NEGR1: variants seen among roughly 807,000 people sequenced by gnomAD.
NEGR1 encodes the protein neuronal growth regulator 1, also known as IgLON family member 4.
NEGR1 carries 10 observed loss-of-function variants against 40.9 expected under a neutral mutation model. The observed-to-expected ratio is 0.24, with a 90% CI of 0.15 to 0.42. The LOEUF is 0.42. NEGR1 is among the 10% of genes least tolerant of loss of function. The pLI, the probability that NEGR1 is intolerant of heterozygous loss-of-function variation, is 1.00. For synonymous variants in NEGR1, 185 were observed against 166.8 expected, an observed-to-expected ratio of 1.11 and a Z score of -0.84; for missense variants, 352 against 438.9, an observed-to-expected ratio of 0.80 and a Z score of 1.77.
chr1:72,197,567 T>C (rs1204768687), intron 1 of NEGR1, among the ~76,000 whole-genome samples: 2 of 152,018 alleles, frequency 1.3e-5, no homozygotes, highest in African/African-American at 2.4e-5. Context: ...ATTAACAACA[T>C]AGAATTATAA....
intron 2 of NEGR1, among the ~76,000 whole-genome samples, chr1:71,896,311 A>C (rs1660972482): frequency 6.6e-6 from 1 of 152,030 alleles, no homozygotes; most frequent in Non-Finnish European, 1.5e-5. Context: ...TGTGTTTAAC[A>C]TATTTTTATG....
chr1:71,508,144 G>C (rs903395879), intron 6 of NEGR1, among the ~76,000 whole-genome samples: 2 of 152,110 alleles, frequency 1.3e-5, no homozygotes, highest in Admixed American at 6.5e-5. Flanking sequence ...CACCTTTTAA[G>C]TTTGTAGTTC....
At chr1:72,127,490 A>AAAT (rs1650073406) in intron 1 of NEGR1, among the ~76,000 whole-genome samples, 1 of 147,376 alleles carries the variant, frequency 6.8e-6, no homozygotes, top group Non-Finnish European at 1.5e-5. Flanking sequence ...AAAAAAAAAA[A>AAAT]GGGAGAATTG....
intron 6 of NEGR1, among the ~76,000 whole-genome samples, chr1:71,592,376 T>G (rs1328492494): frequency 6.6e-6 from 1 of 152,168 alleles, no homozygotes; most frequent in East Asian, 1.9e-4. Context: ...TACTGTTTCA[T>G]TTTATGTATG....
At chr1:71,526,501 T>C (rs1022821730) in intron 6 of NEGR1, among the ~76,000 whole-genome samples, 13 of 151,454 alleles carry the variant, frequency 8.6e-5, no homozygotes, top group African/African-American at 3.1e-4. Flanking sequence ...GCATGACATT[T>C]ATGGTATTTT....
At chr1:71,912,218 A>C (rs369022949) in intron 2 of NEGR1, among the ~76,000 whole-genome samples, 43 of 152,284 alleles carry the variant, frequency 2.8e-4, no homozygotes, top group African/African-American at 1.0e-3. Flanking sequence ...GAGAGAATGC[A>C]CTTTCTTGTC....
At chr1:71,802,607 G>A (rs1328331869) in intron 2 of NEGR1, among the ~76,000 whole-genome samples, 1 of 152,142 alleles carries the variant, frequency 6.6e-6, no homozygotes, top group Non-Finnish European at 1.5e-5. Context: ...AATGCTTAAG[G>A]CTATGGAAGG....
chr1:71,994,616 A>T (rs2100365899), intron 1 of NEGR1, among the ~76,000 whole-genome samples: 1 of 152,142 alleles, frequency 6.6e-6, no homozygotes, highest in Middle Eastern at 3.4e-3. Flanking sequence ...CCCACCATGA[A>T]GTAGAACAGT....
intron 1 of NEGR1, among the ~76,000 whole-genome samples, chr1:72,030,952 C>T (rs767926483): frequency 6.6e-6 from 1 of 152,106 alleles, no homozygotes; most frequent in Non-Finnish European, 1.5e-5. Context: ...ATGTTTTGTG[C>T]ATAGTTTCTT....
rs1273402125 is a variant in NEGR1, at chr1:71,399,114, C to T, written c.*8332G>A. ...TACCACTATACAAGTTCTTACATTA[C>T]CTGATGAAAGATATCTAATTGTCTA... is the stretch of plus-strand genomic sequence containing the variant. On this transcript the variant is annotated 3_prime_UTR_variant, in exon 7 of 7. Coordinates refer to ENST00000357731, the MANE Select transcript of NEGR1 (RefSeq NM_173808.3). 6.6e-6 allele frequency: 1 copy of T among 152,064 alleles called. No homozygotes were observed. The highest frequency in any genetic ancestry group is 1.5e-5 in the Non-Finnish European group (1 of 68,038). 9.4% of individuals were successfully genotyped at this position (152,064 alleles called of 1,614,324 possible). A position where few individuals can be genotyped will look rare whatever the true frequency, so the allele number is the denominator to read the frequency against.
intron 1 of NEGR1, among the ~76,000 whole-genome samples, chr1:72,244,285 A>G (rs1654835771): frequency 6.6e-6 from 1 of 151,878 alleles, no homozygotes; most frequent in African/African-American, 2.4e-5. Context: ...TTTAAGGTCA[A>G]CTATCGAAGA....
chr1:71,998,758 A>C (rs1646528202), intron 1 of NEGR1, among the ~76,000 whole-genome samples: 1 of 151,332 alleles, frequency 6.6e-6, no homozygotes, highest in African/African-American at 2.4e-5. Context: ...TATAGTAAAT[A>C]GTGTAATCTC....
chr1:71,641,582 T>C (rs1651353403), intron 4 of NEGR1, among the ~76,000 whole-genome samples: 1 of 151,966 alleles, frequency 6.6e-6, no homozygotes, highest in African/African-American at 2.4e-5. Context: ...TTCCATTTCT[T>C]AAATCTCCAG....
At chr1:71,565,980 A>G (rs1648608123) in intron 6 of NEGR1, among the ~76,000 whole-genome samples, 1 of 152,154 alleles carries the variant, frequency 6.6e-6, no homozygotes, top group South Asian at 2.1e-4. Flanking sequence ...ATGTGAAGAC[A>G]GAGACGGAGA....
intron 2 of NEGR1, among the ~76,000 whole-genome samples, chr1:71,865,379 T>A (rs1660080482): frequency 6.6e-6 from 1 of 152,160 alleles, no homozygotes; most frequent in Non-Finnish European, 1.5e-5. Context: ...ATGCGGCACT[T>A]ATACACCATG....
chr1:72,223,951 A>T (rs572471846), intron 1 of NEGR1, among the ~76,000 whole-genome samples: 7 of 152,152 alleles, frequency 4.6e-5, no homozygotes, highest in African/African-American at 9.7e-5. Flanking sequence ...GCACCACTGC[A>T]CTTTTCTGAC....
At chr1:71,544,944 T>C (rs562316402) in intron 6 of NEGR1, among the ~76,000 whole-genome samples, 2 of 151,674 alleles carry the variant, frequency 1.3e-5, no homozygotes, top group Middle Eastern at 3.2e-3. Context: ...AAAACTGAGA[T>C]GAGTATTCAG....
chr1:71,830,627 G>A (rs1383901875), intron 2 of NEGR1, among the ~76,000 whole-genome samples: 1 of 151,788 alleles, frequency 6.6e-6, no homozygotes, highest in African/African-American at 2.4e-5. Flanking sequence ...ATGTTAGTAA[G>A]AGTCAAAGAA....
At chr1:72,138,295 A>C (rs991575381) in intron 1 of NEGR1, among the ~76,000 whole-genome samples, 1 of 152,028 alleles carries the variant, frequency 6.6e-6, no homozygotes, top group African/African-American at 2.4e-5. Context: ...AGAAGGCAGA[A>C]AAAAAGGAAA....
Sources: allele counts gnomAD v4.1 joint callset (sites outside exome capture counted in the v4.1 genomes callset), GRCh38; gene constraint gnomAD v4.1.1; transcripts MANE v1.5; gene names NCBI Gene and HGNC (gene_info 2026-07-23, HGNC 2026-07-21).